Variants in FBRSL1 observed in about 807,000 individuals in gnomAD.
The protein encoded by FBRSL1 is fibrosin like 1, also known as fibrosin-1-like protein.
Under a neutral mutation model 89.6 loss-of-function variants are expected in FBRSL1, and 51 were observed. The ratio of observed to expected loss-of-function variants is 0.57; its 90% CI spans 0.45 to 0.72. FBRSL1 has a LOEUF of 0.72. Ranked by LOEUF, FBRSL1 falls within the 30% of genes least tolerant of loss-of-function variation. The pLI is 0.00. For missense variants in FBRSL1, 1,618 were observed against 1,451.8 expected (o/e 1.11, Z -1.86); for synonymous variants, 779 against 681.1 (o/e 1.14, Z -2.24).
At chr12:132,507,341 T>A in intron 1 of FBRSL1, 1 of 985,472 alleles carries the variant, frequency 1.0e-6, no homozygotes, top group Non-Finnish European at 1.2e-6. Context: ...ACGCGCCGTA[T>A]CTGTCTGCAC....
chr12:132,521,131 G>A (rs1405593801), intron 2 of FBRSL1, among the ~76,000 whole-genome samples: 3 of 152,242 alleles, frequency 2.0e-5, no homozygotes, highest in Admixed American at 6.5e-5. Context: ...CCCTGGGGGA[G>A]GCCCAGGAGT....
chr12:132,581,278 C>T, intron 15 of FBRSL1, 161 bp from the exon 16 acceptor site: 2 of 985,444 alleles, frequency 2.0e-6, no homozygotes, highest in Non-Finnish European at 2.4e-6. Context: ...GTAGATTCCA[C>T]CTCTTACTCT....
intron 5 of FBRSL1, among the ~76,000 whole-genome samples, chr12:132,562,291 C>T (rs2039195832): frequency 6.6e-6 from 1 of 152,040 alleles, no homozygotes; most frequent in Non-Finnish European, 1.5e-5. Context: ...TCCTGTCCTT[C>T]TTTCTTTGTA....
chr12:132,496,985 G>A (rs892027923), intron 1 of FBRSL1, among the ~76,000 whole-genome samples: 2 of 152,254 alleles, frequency 1.3e-5, no homozygotes, highest in African/African-American at 2.4e-5. Context: ...CGTGAACTCC[G>A]GACGTGGCCC....
At chr12:132,501,664 C>T (rs531621676) in intron 1 of FBRSL1, among the ~76,000 whole-genome samples, 24 of 152,274 alleles carry the variant, frequency 1.6e-4, no homozygotes, top group Non-Finnish European at 2.9e-4. Flanking sequence ...AGCAAATGCA[C>T]GGCCCATTCC....
At chr12:132,538,477 C>G (rs1166034113) in intron 4 of FBRSL1, among the ~76,000 whole-genome samples, 1 of 152,210 alleles carries the variant, frequency 6.6e-6, no homozygotes, top group African/African-American at 2.4e-5. Flanking sequence ...TGAGTGGGGG[C>G]CTCCAGTGGG....
At chr12:132,538,740 T>C (rs974644755) in intron 4 of FBRSL1, among the ~76,000 whole-genome samples, 17 of 152,192 alleles carry the variant, frequency 1.1e-4, no homozygotes, top group Admixed American at 3.3e-4. Flanking sequence ...TGTTAATTGC[T>C]CATTAATTGG....
chr12:132,577,069 T>C (rs560703285), intron 15 of FBRSL1, 138 bp downstream of exon 15: 50 of 1,237,700 alleles, frequency 4.0e-5, no homozygotes, highest in Middle Eastern at 2.9e-4. Context: ...TCACCACTTA[T>C]TCAGGTCAAA....
At chr12:132,576,344 C>T (rs1454219946) in intron 14 of FBRSL1, among the ~76,000 whole-genome samples, 1 of 152,008 alleles carries the variant, frequency 6.6e-6, no homozygotes, top group Non-Finnish European at 1.5e-5. Flanking sequence ...AGGCGCCCGC[C>T]ACTGCGCCCA....
chr12:132,581,669 G>GC, intron 16 of FBRSL1, 72 bp from the exon 17 acceptor site: 1 of 1,508,816 alleles, frequency 6.6e-7, no homozygotes, highest in Non-Finnish European at 9.0e-7. Context: ...CTCTACAGCA[G>GC]CCCCCACTGG....
intron 5 of FBRSL1, among the ~76,000 whole-genome samples, chr12:132,550,098 C>T (rs929706861): frequency 2.0e-5 from 3 of 151,746 alleles, no homozygotes; most frequent in African/African-American, 4.8e-5. Context: ...TTTGGCATTC[C>T]TGCACACAGA....
chr12:132,516,582 C>T (rs1007227264), intron 2 of FBRSL1, among the ~76,000 whole-genome samples: 4 of 152,352 alleles, frequency 2.6e-5, no homozygotes, highest in South Asian at 2.1e-4. Flanking sequence ...AGCACCCTGT[C>T]GCCAGCCTAG....
At position 132,581,702 on chromosome 12, in the gene FBRSL1, C is replaced by T. The variant is rs764005715; in HGVS notation, c.1913-39C>T. 91 of 1,543,204 alleles carry T rather than the reference C, an allele frequency of 5.9e-5. No homozygotes were observed. In the Middle Eastern group the frequency reaches 2.0e-3, roughly 34 times the overall value. Reference sequence around the variant, plus strand: ...TGGGCCAGGTGGGAGCCGCAGCCCACGCCTCACAGACCTCTGGGTCCCGCG... The same window carrying T: ...TGGGCCAGGTGGGAGCCGCAGCCCATGCCTCACAGACCTCTGGGTCCCGCG... On this transcript the variant is annotated intron_variant, in intron 16 of 18. Transcript: ENST00000680143.
At chr12:132,502,444 G>A (rs186471551) in intron 1 of FBRSL1, among the ~76,000 whole-genome samples, 9 of 152,316 alleles carry the variant, frequency 5.9e-5, no homozygotes, top group African/African-American at 1.9e-4. Context: ...GGTGTGATCC[G>A]TGGTCTTCCA....
chr12:132,570,631 A>G (rs2039946850), intron 8 of FBRSL1, 91 bp downstream of exon 8: 1 of 1,149,290 alleles, frequency 8.7e-7, no homozygotes, highest in African/African-American at 1.6e-5. Context: ...CTGGCCCTCC[A>G]CCTGCTGTGG....
Position 132,546,871 on chromosome 12 carries a change from G to A in FBRSL1, c.616-1132G>A, listed in dbSNP as rs974169859. 1.1e-4 allele frequency among the ~76,000 whole-genome samples: 17 copies of A among 152,256 alleles called. No homozygotes were observed. Among genetic ancestry groups the A allele is most frequent in the African/African-American group, 2.7e-4 (11 of 41,472 alleles). On this transcript the variant is annotated intron_variant, in intron 4 of 18. Transcript: ENST00000680143. This position sits in a 1 kb window ranked among gnomAD's most constrained non-coding sequence, Gnocchi z 4.0. ...CATTTCACACCGTACTGTGAGCTCC[G>A]TCGCTGAACACTCGGCAGCCGCGGC...
At chr12:132,501,618 C>G (rs1461758004) in intron 1 of FBRSL1, among the ~76,000 whole-genome samples, 1 of 152,170 alleles carries the variant, frequency 6.6e-6, no homozygotes. Context: ...CGCTCGGGGC[C>G]CAAGGCCTTG....
Position 132,574,133 on chromosome 12 carries a change from A to C in FBRSL1, c.1574A>C (p.His525Pro), listed in dbSNP as rs2040227861. The C allele has an allele frequency of 7.2e-7, 1 of 1,395,592 alleles. No homozygotes were observed. The highest frequency in any genetic ancestry group is 9.3e-7 in the Non-Finnish European group (1 of 1,080,456). 86.5% of individuals were successfully genotyped at this position (1,395,592 alleles called of 1,614,324 possible). ...GTGGCCCGCCGGGCTGGTGCGGTTC[A>C]CACACTCCTGCAGAAAGCGCCTGGG... ...IEVARRAGAV[H>P]TLLQKAPGVS... is the part of the protein sequence containing the mutation. Residue 525 changes from histidine (H) to proline (P), a missense_variant, in exon 12 of 19, where the codon CAC becomes CCC. Transcript: ENST00000680143.
At position 132,508,115 on chromosome 12, in the gene FBRSL1, T is replaced by C. The variant is rs142417177; in HGVS notation, c.292-38T>C. 1.9e-6 allele frequency: 3 copies of C among 1,548,028 alleles called. No individual in the cohort carries two copies. The African/African-American group carries it at 4.1e-5, about 21-fold the overall frequency. On this transcript the variant is annotated intron_variant, in intron 1 of 18. Transcript: ENST00000680143. ...CTGTCCTGGGCCCAAGGCCCTGGGG[T>C]CCCGCCAATTAACTGGCGTTTCCCT...
Sources: gnomAD v4.1 joint callset for allele counts (sites outside exome capture counted in the v4.1 genomes callset) on GRCh38, gnomAD v4.1.1 for gene constraint, Gnocchi (gnomAD v3.1) non-coding constraint, MANE v1.5 for transcripts, NCBI Gene and HGNC (gene_info 2026-07-23, HGNC 2026-07-21) for gene names.